PCDH15: variants seen among roughly 807,000 people sequenced by gnomAD.
PCDH15 encodes protocadherin related 15.
In PCDH15, 129 loss-of-function variants were observed where a neutral mutation model predicts 178.5. The ratio of observed to expected loss-of-function variants is 0.72; its 90% confidence interval spans 0.63 to 0.84. The LOEUF (loss-of-function observed/expected upper bound fraction) is 0.84. PCDH15 is among the 40% of genes least tolerant of loss of function. PCDH15 has a pLI of 0.00. For synonymous variants in PCDH15, 800 were observed against 732.0 expected (o/e 1.09, Z -1.50); for missense variants, 2,230 against 2,099.9 (o/e 1.06, Z -1.21).
intron 2 of PCDH15, among the ~76,000 whole-genome samples, chr10:55,121,084 A>T (rs1256686359): frequency 6.6e-6 from 1 of 152,056 alleles, no homozygotes; most frequent in Non-Finnish European, 1.5e-5. Context: ...ACTCCAACCC[A>T]TGAGAGCTGC....
intron 18 of PCDH15, among the ~76,000 whole-genome samples, chr10:54,063,981 C>T (rs2094086202): frequency 6.6e-6 from 1 of 152,138 alleles, no homozygotes; most frequent in African/African-American, 2.4e-5. Flanking sequence ...AGGTTTTAGC[C>T]CTGTTTGTGT....
At chr10:54,681,582 T>C (rs2094899618) in intron 1 of PCDH15, among the ~76,000 whole-genome samples, 1 of 152,170 alleles carries the variant, frequency 6.6e-6, no homozygotes, top group African/African-American at 2.4e-5. Flanking sequence ...TCTTGTGTAT[T>C]TGCAAAACAG....
At chr10:55,124,516 A>G (rs1306820089) in intron 2 of PCDH15, among the ~76,000 whole-genome samples, 1 of 152,134 alleles carries the variant, frequency 6.6e-6, no homozygotes, top group East Asian at 1.9e-4. Flanking sequence ...ATAAATGGAA[A>G]TTTTGACACT....
At chr10:54,158,124 T>C (rs987136035) in intron 13 of PCDH15, among the ~76,000 whole-genome samples, 1 of 152,200 alleles carries the variant, frequency 6.6e-6, no homozygotes, top group Non-Finnish European at 1.5e-5. Flanking sequence ...GTTCTAAAAT[T>C]GCTTCCACAT....
chr10:54,470,801 G>C (rs1006918015), intron 3 of PCDH15, among the ~76,000 whole-genome samples: 1 of 152,074 alleles, frequency 6.6e-6, no homozygotes, highest in Admixed American at 6.6e-5. Context: ...TCACATCTCT[G>C]TTGAATTCCA....
intron 2 of PCDH15, among the ~76,000 whole-genome samples, chr10:55,327,700 T>C (rs1266535094): frequency 6.6e-6 from 1 of 152,092 alleles, no homozygotes; most frequent in African/African-American, 2.4e-5. Flanking sequence ...GAAGCATTTG[T>C]TTCCAATTTT....
intron 2 of PCDH15, among the ~76,000 whole-genome samples, chr10:54,542,995 G>A (rs1346757598): frequency 1.3e-5 from 2 of 152,164 alleles, no homozygotes; most frequent in African/African-American, 4.8e-5. Flanking sequence ...AAAGGATGTC[G>A]AGGGAGCACA....
intron 14 of PCDH15, among the ~76,000 whole-genome samples, chr10:54,141,315 C>T (rs1406971314): frequency 6.6e-6 from 1 of 151,954 alleles, no homozygotes; most frequent in African/African-American, 2.4e-5. Flanking sequence ...GTTTTTCTTA[C>T]CTCTGAGTAT....
chr10:54,504,385 A>T (rs536335371), intron 3 of PCDH15, among the ~76,000 whole-genome samples: 6 of 152,048 alleles, frequency 3.9e-5, no homozygotes, highest in Non-Finnish European at 7.4e-5. Flanking sequence ...GGTACTGATC[A>T]CTTCTCCAAG....
At chr10:55,525,739 T>C (rs777167423) in intron 2 of PCDH15, among the ~76,000 whole-genome samples, 33 of 151,882 alleles carry the variant, frequency 2.2e-4, no homozygotes, top group East Asian at 5.8e-4. Flanking sequence ...TTCAGGAATA[T>C]AGCACGTTCT....
intron 3 of PCDH15, among the ~76,000 whole-genome samples, chr10:54,527,180 G>C (rs1022207331): frequency 2.6e-5 from 4 of 152,076 alleles, no homozygotes; most frequent in Non-Finnish European, 5.9e-5. Context: ...CGTTCAGAGA[G>C]TCAAGGTGGC....
intron 2 of PCDH15, among the ~76,000 whole-genome samples, chr10:55,407,467 A>G (rs1207037772): frequency 6.6e-6 from 1 of 152,146 alleles, no homozygotes; most frequent in Admixed American, 6.6e-5. Flanking sequence ...CAAGATGAGA[A>G]TTGCTTGAAA....
intron 10 of PCDH15, among the ~76,000 whole-genome samples, chr10:54,196,505 G>T (rs543483247): frequency 2.6e-5 from 4 of 152,228 alleles, no homozygotes; most frequent in East Asian, 3.9e-4. Flanking sequence ...CATTTAGTCA[G>T]AAAATTCAAA....
At chr10:54,202,812 CAAAAA>C (rs36086266) in intron 10 of PCDH15, among the ~76,000 whole-genome samples, 1 of 106,188 alleles carries the variant, frequency 9.4e-6, no homozygotes. Context: ...AACCCCACCT[CAAAAA>C]AAAAAAAAAA....
intron 20 of PCDH15, among the ~76,000 whole-genome samples, chr10:54,012,042 A>G (rs959893746): frequency 1.1e-4 from 17 of 152,194 alleles, no homozygotes; most frequent in African/African-American, 4.1e-4. Context: ...ACTAAGGATT[A>G]CAATAAAACA....
chr10:55,356,740 T>A (rs549796213), intron 2 of PCDH15, among the ~76,000 whole-genome samples: 2 of 151,912 alleles, frequency 1.3e-5, no homozygotes, highest in Non-Finnish European at 2.9e-5. Context: ...CTGTAAGATA[T>A]GTGTGTGACT....
chr10:54,444,752 G>T (rs531949291), intron 3 of PCDH15, among the ~76,000 whole-genome samples: 1 of 151,664 alleles, frequency 6.6e-6, no homozygotes, highest in East Asian at 1.9e-4. Flanking sequence ...CTTACTATTT[G>T]CCAGTGATGA....
chr10:54,740,619 A>G (rs1263732756), intron 1 of PCDH15, among the ~76,000 whole-genome samples: 1 of 152,044 alleles, frequency 6.6e-6, no homozygotes, highest in Admixed American at 6.6e-5. Context: ...ACATGACATT[A>G]ATCTACGTCC....
chr10:54,662,719 G>T (rs1425737600), intron 2 of PCDH15, among the ~76,000 whole-genome samples: 1 of 151,928 alleles, frequency 6.6e-6, no homozygotes, highest in Non-Finnish European at 1.5e-5. Context: ...AAAAAAGACA[G>T]ACAGTGAATA....
Sources: allele counts gnomAD v4.1 joint callset (sites outside exome capture counted in the v4.1 genomes callset), GRCh38; gene constraint gnomAD v4.1.1; transcripts MANE v1.5; gene names NCBI Gene and HGNC (gene_info 2026-07-23, HGNC 2026-07-21).